Variants in B3GALT1 observed in about 807,000 individuals in gnomAD.
The protein encoded by B3GALT1 is UDP-Gal:betaGlcNAc beta 1,3-galactosyltransferase, polypeptide 1.
B3GALT1 carries 10 observed loss-of-function variants against 23.2 expected under a neutral mutation model. The ratio of observed to expected loss-of-function variants is 0.43; its 90% CI spans 0.27 to 0.73. The LOEUF (loss-of-function observed/expected upper bound fraction) is 0.73. B3GALT1 is among the 30% of genes least tolerant of loss of function. The probability of loss-of-function intolerance (pLI) is 0.21; values close to 1 mark genes in which losing one functional copy is unlikely to be tolerated. For missense variants in B3GALT1, 299 were observed against 405.4 expected (o/e 0.74, Z 2.25); for synonymous variants, 156 against 141.5 (o/e 1.10, Z -0.73).
intron 1 of B3GALT1, among the ~76,000 whole-genome samples, chr2:167,403,325 A>T (rs572844039): frequency 6.6e-6 from 1 of 152,040 alleles, no homozygotes; most frequent in Admixed American, 6.6e-5. Flanking sequence ...TTCCAGCTTC[A>T]TCCATGTCCC....
intron 2 of B3GALT1, among the ~76,000 whole-genome samples, chr2:167,529,332 A>G (rs1271179746): frequency 1.3e-5 from 2 of 151,794 alleles, no homozygotes; most frequent in African/African-American, 4.8e-5. Flanking sequence ...CGATTTTCTT[A>G]TCATATGTAC....
At chr2:167,790,862 C>T (rs1574264009) in intron 3 of B3GALT1, among the ~76,000 whole-genome samples, 1 of 152,154 alleles carries the variant, frequency 6.6e-6, no homozygotes, top group Non-Finnish European at 1.5e-5. Context: ...GCTACAAAAA[C>T]ACCAAGCCAA....
chr2:167,796,422 G>A (rs921507175), intron 3 of B3GALT1, among the ~76,000 whole-genome samples: 4 of 151,978 alleles, frequency 2.6e-5, no homozygotes, highest in African/African-American at 9.7e-5. Flanking sequence ...TCTTATCTTG[G>A]CATAATAACA....
At chr2:167,441,755 G>C (rs180873463) in intron 1 of B3GALT1, among the ~76,000 whole-genome samples, 1 of 151,988 alleles carries the variant, frequency 6.6e-6, no homozygotes, top group Non-Finnish European at 1.5e-5. Context: ...GAGCTGGGCA[G>C]GGGGGCATGC....
intron 1 of B3GALT1, among the ~76,000 whole-genome samples, chr2:167,373,329 C>CA (rs1697713692): frequency 6.6e-6 from 1 of 151,720 alleles, no homozygotes; most frequent in Non-Finnish European, 1.5e-5. Context: ...ACATATAACA[C>CA]AAACAATATA....
intron 1 of B3GALT1, among the ~76,000 whole-genome samples, chr2:167,347,272 A>C (rs1697235166): frequency 6.6e-6 from 1 of 152,182 alleles, no homozygotes; most frequent in African/African-American, 2.4e-5. Flanking sequence ...ATTGGTCGAA[A>C]GGGGTATCTT....
intron 2 of B3GALT1, among the ~76,000 whole-genome samples, chr2:167,635,167 C>T (rs1214883842): frequency 2.6e-5 from 4 of 152,132 alleles, no homozygotes; most frequent in Non-Finnish European, 4.4e-5. Flanking sequence ...ATGCTAAAAA[C>T]TGTCAATAAA....
At chr2:167,601,355 C>A (rs1034732529) in intron 2 of B3GALT1, among the ~76,000 whole-genome samples, 4 of 152,156 alleles carry the variant, frequency 2.6e-5, no homozygotes, top group Non-Finnish European at 4.4e-5. Flanking sequence ...CCTAGATCCT[C>A]CTTTAGAGTT....
chr2:167,604,201 A>G (rs991307319), intron 2 of B3GALT1, among the ~76,000 whole-genome samples: 29 of 152,172 alleles, frequency 1.9e-4, no homozygotes, highest in African/African-American at 7.0e-4. Context: ...AAGGAAAGGT[A>G]GCTCCCAAAG....
intron 4 of B3GALT1, among the ~76,000 whole-genome samples, chr2:167,854,973 T>A (rs1190138078): frequency 6.6e-6 from 1 of 152,194 alleles, no homozygotes; most frequent in Admixed American, 6.6e-5. Flanking sequence ...AACTGTTGCC[T>A]TTTAACCTAG....
rs957360357 is a variant in B3GALT1, at chr2:167,868,886, A to G, written c.-154A>G. ...AAAGTAGAATGAGCGCAGAGGTGAC[A>G]GACAGCCACTGAGGCCCATGGACAA... On this transcript the variant is annotated 5_prime_UTR_variant, in exon 5 of 5. Coordinates refer to ENST00000392690, the MANE Select transcript of B3GALT1 (RefSeq NM_020981.4). The G allele has an allele frequency of 2.2e-5, 18 of 827,970 alleles. 1 individual carries two copies. Among genetic ancestry groups the G allele is most frequent in the Middle Eastern group, 3.2e-4 (1 of 3,120 alleles). The allele number at this position is 827,970 out of a possible 1,614,324, so 51.3% of individuals were successfully genotyped here. A position where few individuals can be genotyped will look rare whatever the true frequency, so the allele number is the denominator to read the frequency against.
intron 2 of B3GALT1, among the ~76,000 whole-genome samples, chr2:167,555,634 G>A (rs932082552): frequency 2.0e-5 from 3 of 152,122 alleles, no homozygotes; most frequent in Non-Finnish European, 4.4e-5. Context: ...TGACTGTGAA[G>A]GGGAAAGAAA....
At chr2:167,819,791 A>C (rs1470532203) in intron 4 of B3GALT1, among the ~76,000 whole-genome samples, 1 of 152,192 alleles carries the variant, frequency 6.6e-6, no homozygotes, top group Non-Finnish European at 1.5e-5. Context: ...CAATTCACCA[A>C]ATGCCTCTCT....
At position 167,478,643 on chromosome 2, in the gene B3GALT1, T is replaced by C. The variant is rs545554410; in HGVS notation, c.-510-11534T>C. Among the ~76,000 whole-genome samples the C allele has an allele frequency of 5.3e-3, 812 of 152,150 alleles. 10 individuals carry two copies. The highest frequency in any genetic ancestry group is 0.019 in the African/African-American group (777 of 41,508). ...CAGGTTTGTTACATATGTATACATGTGCCATGTTGGTGTGCTGCACCCATT... is the reference window on the plus strand; with the variant it reads ...CAGGTTTGTTACATATGTATACATGCGCCATGTTGGTGTGCTGCACCCATT... On this transcript the variant is annotated intron_variant, in intron 1 of 4. Transcript: ENST00000392690.
chr2:167,545,896 A>G (rs540413058), intron 2 of B3GALT1, among the ~76,000 whole-genome samples: 15 of 152,314 alleles, frequency 9.8e-5, no homozygotes, highest in Non-Finnish European at 2.1e-4. Context: ...GCATATACGT[A>G]ATGAGTTATC....
At chr2:167,664,395 T>C (rs1686132848) in intron 3 of B3GALT1, among the ~76,000 whole-genome samples, 1 of 151,634 alleles carries the variant, frequency 6.6e-6, no homozygotes, top group East Asian at 1.9e-4. Flanking sequence ...TCAGGTAGCA[T>C]GATGCCTCCA....
At chr2:167,571,594 G>A (rs1029865917) in intron 2 of B3GALT1, among the ~76,000 whole-genome samples, 1 of 151,800 alleles carries the variant, frequency 6.6e-6, no homozygotes, top group Non-Finnish European at 1.5e-5. Context: ...GAAACACATG[G>A]GTTCTGATCA....
intron 2 of B3GALT1, among the ~76,000 whole-genome samples, chr2:167,508,537 C>T (rs527544898): frequency 5.6e-4 from 85 of 152,170 alleles, no homozygotes; most frequent in East Asian, 1.5e-3. Context: ...GGATTACAGG[C>T]GTGAGCCACT....
In B3GALT1 at chr2:167,786,342, G is replaced by T. The variant is rs568447121; in HGVS notation, c.-351-32330G>T. Among the ~76,000 whole-genome samples the T allele has an allele frequency of 2.6e-5, 4 of 152,272 alleles. No homozygotes were observed. The East Asian group carries it at 7.7e-4, about 29-fold the overall frequency. ...CAAATGAAATAAATATGGGGAAGTG[G>T]TAATTAAACTATATAGCATCATTTG... On this transcript the variant is annotated intron_variant, in intron 3 of 4. Coordinates refer to ENST00000392690, the MANE Select transcript of B3GALT1 (RefSeq NM_020981.4).
Sources: allele counts gnomAD v4.1 joint callset (sites outside exome capture counted in the v4.1 genomes callset), GRCh38; gene constraint gnomAD v4.1.1; transcripts MANE v1.5; gene names NCBI Gene and HGNC (gene_info 2026-07-23, HGNC 2026-07-21).